SGMS2: variants seen among roughly 807,000 people sequenced by gnomAD.
SGMS2 encodes the protein sphingomyelin synthase 2.
In SGMS2, 21 loss-of-function variants were observed where a neutral mutation model predicts 43.8. The observed-to-expected ratio is 0.48, with a 90% CI of 0.34 to 0.69. The LOEUF is 0.69. SGMS2 is among the 30% of genes least tolerant of loss of function. The pLI, the probability that SGMS2 is intolerant of heterozygous loss-of-function variation, is 0.01. For synonymous variants in SGMS2, 167 were observed against 160.6 expected (o/e 1.04, Z -0.30); for missense variants, 384 against 443.2 (o/e 0.87, Z 1.20).
intron 5 of SGMS2, among the ~76,000 whole-genome samples, chr4:107,905,873 C>T (rs1457875310): frequency 6.6e-6 from 1 of 152,162 alleles, no homozygotes; most frequent in Non-Finnish European, 1.5e-5. Context: ...TATGTAGAGA[C>T]ATTTTTTCCC....
intron 2 of SGMS2, among the ~76,000 whole-genome samples, chr4:107,879,144 T>G (rs1729149015): frequency 6.6e-6 from 1 of 151,930 alleles, no homozygotes; most frequent in Non-Finnish European, 1.5e-5. Flanking sequence ...TAGACCGATT[T>G]TCCCCCTTTT....
intron 6 of SGMS2, among the ~76,000 whole-genome samples, chr4:107,909,554 C>A (rs1578677044): frequency 6.6e-6 from 1 of 152,166 alleles, no homozygotes; most frequent in Non-Finnish European, 1.5e-5. Flanking sequence ...TTTCCAGATG[C>A]CTTTTCTTTC....
chr4:107,865,384 A>C (rs911719166), intron 2 of SGMS2, among the ~76,000 whole-genome samples: 3 of 152,200 alleles, frequency 2.0e-5, no homozygotes, highest in African/African-American at 7.2e-5. Flanking sequence ...TTATAGTTTA[A>C]CTTTAAATCA....
chr4:107,836,145 C>T (rs1383078981), intron 1 of SGMS2, among the ~76,000 whole-genome samples: 1 of 152,094 alleles, frequency 6.6e-6, no homozygotes, highest in Non-Finnish European at 1.5e-5. Context: ...GATGTATATT[C>T]TACACTTACA....
chr4:107,860,824 C>T (rs1727691501), intron 2 of SGMS2, among the ~76,000 whole-genome samples: 1 of 152,166 alleles, frequency 6.6e-6, no homozygotes, highest in Admixed American at 6.5e-5. Context: ...TGCACCTGGC[C>T]AAGGTTTTCT....
At chr4:107,881,932 A>C (rs74871514) in intron 2 of SGMS2, among the ~76,000 whole-genome samples, 1 of 152,256 alleles carries the variant, frequency 6.6e-6, no homozygotes, top group African/African-American at 2.4e-5. Flanking sequence ...CCATATTGCA[A>C]ATGATGACAT....
intron 2 of SGMS2, among the ~76,000 whole-genome samples, chr4:107,878,520 G>A (rs1238839681): frequency 1.3e-5 from 2 of 151,986 alleles, no homozygotes; most frequent in East Asian, 3.9e-4. Flanking sequence ...CTGTCTTCAG[G>A]GTTTGGGTAG....
At chr4:107,877,602 A>T (rs1323258164) in intron 2 of SGMS2, among the ~76,000 whole-genome samples, 3 of 152,202 alleles carry the variant, frequency 2.0e-5, no homozygotes, top group Non-Finnish European at 4.4e-5. Flanking sequence ...AGTTGTATGA[A>T]ATGTTTCTAG....
chr4:107,893,725 C>T (rs1435580924), intron 2 of SGMS2: 1 of 152,320 alleles, frequency 6.6e-6, no homozygotes, highest in Admixed American at 6.6e-5. Flanking sequence ...CCCCATTTCT[C>T]TACCAGGCCA....
At chr4:107,904,100 C>T (rs528591402) in intron 5 of SGMS2, among the ~76,000 whole-genome samples, 34 of 152,188 alleles carry the variant, frequency 2.2e-4, no homozygotes, top group Non-Finnish European at 4.4e-4. Flanking sequence ...TTTAGCTGCC[C>T]AGTAGGTCTC....
rs1732230570 is a variant in SGMS2 at position 107,913,140 on chromosome 4, CTTTG to C, written c.*2591_*2594del. ...CCAGTTAAGATACATATCTTATTAT[CTTTG>C]TTTTTTTCAAGTCTATGCTCCTGTT... On this transcript the variant is annotated 3_prime_UTR_variant, in exon 7 of 7. Coordinates refer to ENST00000690982, the MANE Select transcript of SGMS2 (RefSeq NM_001375905.1). 6.6e-6 allele frequency: 1 copy of C among 151,752 alleles called. No homozygotes were observed. The highest frequency in any genetic ancestry group is 2.4e-5 in the African/African-American group (1 of 41,324). The allele number at this position is 151,752 out of a possible 1,614,324, so 9.4% of individuals were successfully genotyped here. A position where few individuals can be genotyped will look rare whatever the true frequency, so the allele number is the denominator to read the frequency against.
intron 2 of SGMS2, among the ~76,000 whole-genome samples, chr4:107,887,248 CT>C (rs1729832057): frequency 6.6e-6 from 1 of 152,078 alleles, no homozygotes; most frequent in African/African-American, 2.4e-5. Context: ...GGTTTTATAG[CT>C]GATTATAAAA....
rs537874243 is a variant in SGMS2, at chr4:107,891,058, GCCCC to G, written c.-244-4251_-244-4248del. ...AAGGTGGCTTTGTTATGTAAATAAA[GCCCC>G]TTAAGTAGTCAAAATTAAAATTCTT... On this transcript the variant is annotated intron_variant, in intron 2 of 6. Transcript: ENST00000690982. 7.2e-5 allele frequency among the ~76,000 whole-genome samples: 11 copies of G among 152,110 alleles called. No individual in the cohort carries two copies. In the East Asian group the frequency reaches 2.1e-3, roughly 29 times the overall value.
At chr4:107,839,121 A>G (rs951761076) in intron 1 of SGMS2, among the ~76,000 whole-genome samples, 1 of 152,046 alleles carries the variant, frequency 6.6e-6, no homozygotes, top group Non-Finnish European at 1.5e-5. Flanking sequence ...CTTCTTACCT[A>G]TTTCAGAAAC....
intron 1 of SGMS2, among the ~76,000 whole-genome samples, chr4:107,857,531 GAT>G (rs112123351): frequency 0.013 from 1,849 of 144,648 alleles, 31 homozygotes; most frequent in African/African-American, 0.039. Flanking sequence ...GTAGTTAAAA[GAT>G]ATATATATAT....
intron 2 of SGMS2, among the ~76,000 whole-genome samples, chr4:107,889,076 A>T (rs1729994364): frequency 6.6e-6 from 1 of 152,194 alleles, no homozygotes; most frequent in Non-Finnish European, 1.5e-5. Context: ...ACCTTAGCTT[A>T]TAGTTTAGCT....
intron 1 of SGMS2, among the ~76,000 whole-genome samples, chr4:107,851,294 G>A (rs1433702270): frequency 6.6e-6 from 1 of 152,190 alleles, no homozygotes; most frequent in Admixed American, 6.5e-5. Flanking sequence ...TTTCTCACAA[G>A]AGAAGCAAAC....
chr4:107,877,047 C>G (rs1212712529), intron 2 of SGMS2, among the ~76,000 whole-genome samples: 1 of 152,076 alleles, frequency 6.6e-6, no homozygotes, highest in East Asian at 1.9e-4. Context: ...CACCCATAAT[C>G]CCAGCATTTT....
In SGMS2 at chr4:107,850,654, AG is replaced by A. The variant is rs1727086073; in HGVS notation, c.-326-7817del. 2.0e-5 allele frequency among the ~76,000 whole-genome samples: 3 copies of A among 152,160 alleles called. 1 individual carries two copies. In the South Asian group the frequency reaches 6.2e-4, roughly 32 times the overall value. ...TACTCCTTTCACTTTCCCTTCCTATAGTACCTGAGGTGTAGCCTCTGACCTT... is the reference window on the plus strand; with the variant it reads ...TACTCCTTTCACTTTCCCTTCCTATATACCTGAGGTGTAGCCTCTGACCTT... On this transcript the variant is annotated intron_variant, in intron 1 of 6. Transcript: ENST00000690982.
Sources: allele counts gnomAD v4.1 joint callset (sites outside exome capture counted in the v4.1 genomes callset), GRCh38; gene constraint gnomAD v4.1.1; transcripts MANE v1.5; gene names NCBI Gene and HGNC (gene_info 2026-07-23, HGNC 2026-07-21).